GRIN3B: variants seen among roughly 807,000 people sequenced by gnomAD.
GRIN3B encodes glutamate receptor ionotropic, NMDA 3B.
A neutral mutation model predicts 66.0 loss-of-function variants in GRIN3B; 77 were observed. The observed-to-expected ratio is 1.17, with a 90% CI of 0.97 to 1.41. The LOEUF is 1.41. Among genes scored for constraint, GRIN3B ranks in the 40% most tolerant of loss-of-function variants. The probability of loss-of-function intolerance (pLI) is 0.00; values close to 1 mark genes in which losing one functional copy is unlikely to be tolerated. For synonymous variants in GRIN3B, 823 were observed against 749.7 expected, an observed-to-expected ratio of 1.10 and a Z score of -1.60; for missense variants, 1,787 against 1,564.5, an observed-to-expected ratio of 1.14 and a Z score of -2.40.
At chr19:1,002,326 T>C (rs2145530376) in intron 1 of GRIN3B, among the ~76,000 whole-genome samples, 1 of 131,972 alleles carries the variant, frequency 7.6e-6, no homozygotes, top group East Asian at 2.3e-4. Flanking sequence ...GAGACCATCC[T>C]GGCTAACATG....
At position 1,005,016 on chromosome 19, in the gene GRIN3B, C is replaced by T. The variant is rs374239408; in HGVS notation, c.1515C>T (p.Tyr505=). 22 of 1,611,838 alleles carry T rather than the reference C, an allele frequency of 1.4e-5. No homozygotes were observed. Among genetic ancestry groups the T allele is most frequent in the African/African-American group, 4.0e-5 (3 of 74,884 alleles). ...TGTACCTCGTGGGTGACGGCAAGTA[C>T]GGCGCCCTGCGGGACGGCCGCTGGA... ...FELYLVGDGK[Y]GALRDGRWTG... The change falls in exon 3 of 9, where the codon TAC becomes TAT. Residue 505 remains tyrosine, a synonymous_variant. Transcript: ENST00000234389. The surrounding 1 kb of genome is among the most constrained non-coding windows in gnomAD (Gnocchi z 5.2).
In GRIN3B at chr19:1,008,922, G is replaced by A. The variant is rs921761602; in HGVS notation, c.2697G>A (p.Glu899=). 4 of 1,607,346 alleles carry A rather than the reference G, an allele frequency of 2.5e-6. No homozygotes were observed. The South Asian group carries it at 4.4e-5, about 18-fold the overall frequency. Residue 899 remains glutamate (E), a synonymous_variant, in exon 8 of 9, where the codon GAG becomes GAA. Coordinates refer to ENST00000234389, the MANE Select transcript of GRIN3B (RefSeq NM_138690.3). ...CGAAGGAGGAGACGGCAGAGGCGGA[G>A]CCCAGGTAAGTGGTGGTCGGGGCGG... The part of the protein sequence containing the change: ...EGSKEETAEA[E]PSGPEVEQQQ...
At position 1,003,184 on chromosome 19, in the gene GRIN3B, G is replaced by T; in HGVS notation, c.481G>T (p.Val161Leu). 1 of 1,513,822 alleles carries T rather than the reference G, an allele frequency of 6.6e-7. No individual in the cohort carries two copies. The highest frequency in any genetic ancestry group is 8.8e-7 in the Non-Finnish European group (1 of 1,133,562). 93.8% of individuals were successfully genotyped at this position (1,513,822 alleles called of 1,614,324 possible). A position where few individuals can be genotyped will look rare whatever the true frequency, so the allele number is the denominator to read the frequency against. The change falls in exon 2 of 9, where the codon GTG becomes TTG. Residue 161 changes from valine to leucine, a missense_variant. By Grantham distance (32) the Val-to-Leu change is conservative (BLOSUM62 1). Transcript: ENST00000234389. ...WASPLETLLDVLVAVLQAHAW... is the reference protein window; with the variant it reads ...WASPLETLLDLLVAVLQAHAW... ...CAGCCCCCTGGAGACGCTGCTGGATGTGCTGGTGGCGGTGCTGCAGGCGCA... is the reference window on the plus strand; with the variant it reads ...CAGCCCCCTGGAGACGCTGCTGGATTTGCTGGTGGCGGTGCTGCAGGCGCA...
In GRIN3B at chr19:1,008,109, C is replaced by A. The variant is rs766709186; in HGVS notation, c.2315-31C>A. ...CAGAGTTCCCCTGGGGCTGTCCCAC[C>A]TGGCCCCACCGCCTGGCCCCGCGCC... On this transcript the variant is annotated intron_variant, in intron 5 of 8. Coordinates refer to ENST00000234389, the MANE Select transcript of GRIN3B (RefSeq NM_138690.3). 4.4e-6 allele frequency: 7 copies of A among 1,573,802 alleles called. No individual in the cohort carries two copies. In the Admixed American group the frequency reaches 1.3e-4, roughly 30 times the overall value.
intron 3 of GRIN3B, among the ~76,000 whole-genome samples, chr19:1,006,428 GCCA>G (rs111898576): frequency 0.063 from 9,658 of 152,098 alleles, 363 homozygotes; most frequent in South Asian, 0.11. Context: ...ACAGGTGTGA[GCCA>G]CCACATCTGG....
intron 8 of GRIN3B, 64 bp from the exon 9 acceptor site, chr19:1,009,109 G>A: frequency 1.4e-6 from 2 of 1,446,982 alleles, no homozygotes; most frequent in South Asian, 1.4e-5. Context: ...AGCGGCCTCT[G>A]CAGAGGCCCA....
rs1457075815 is a variant in GRIN3B at position 1,007,877 on chromosome 19, C to T, written c.2220C>T (p.Asn740=). Residue 740 remains asparagine (N), a synonymous_variant, in exon 5 of 9, where the codon AAC becomes AAT. Transcript: ENST00000234389. The surrounding 1 kb of genome is among the most constrained non-coding windows in gnomAD (Gnocchi z 4.4). ...AMLTSDPPKL[N]AFIMDKSLLD... is the part of the protein sequence containing the mutation. ...GCAGGAGCGACCCCCCCAAGCTCAA[C>T]GCCTTCATCATGGACAAGTCGCTCC... 9 of 1,611,030 alleles carry T rather than the reference C, an allele frequency of 5.6e-6. No homozygotes were observed. Among genetic ancestry groups the T allele is most frequent in the Admixed American group, 1.7e-5 (1 of 59,944 alleles).
In GRIN3B at chr19:1,008,745, A is replaced by AG; in HGVS notation, c.2598dup (p.Ser867GlufsTer129). ...CGCCTGGCGCTGCCGCGCATCCGCA[A>AG]GGGGAGCAGGCTGCAGTACTGGCTG... On this transcript the variant is annotated frameshift_variant, in exon 7 of 9. Coordinates refer to ENST00000234389, the MANE Select transcript of GRIN3B (RefSeq NM_138690.3). LOFTEE classifies it high-confidence loss of function. 6.2e-7 allele frequency: 1 copy of AG among 1,607,312 alleles called. No homozygotes were observed.
chr19:1,002,363 CA>C (rs71335327), intron 1 of GRIN3B, among the ~76,000 whole-genome samples: 2,427 of 74,686 alleles, frequency 0.032, 23 homozygotes, highest in Middle Eastern at 0.098. Flanking sequence ...ACTAAAAATA[CA>C]AAAAAAAAAA....
chr19:1,003,800 C>A, intron 2 of GRIN3B, 78 bp downstream of exon 2: 4 of 1,157,028 alleles, frequency 3.5e-6, no homozygotes, highest in Non-Finnish European at 4.6e-6. Context: ...CAAAAGGCAA[C>A]GTGAGGCCAG....
Position 1,003,692 on chromosome 19 carries a change from G to C in GRIN3B, c.989G>C (p.Gly330Ala), listed in dbSNP as rs2145533351. The change falls in exon 2 of 9, where the codon GGG becomes GCG. Residue 330 changes from glycine to alanine, a missense_variant. Physicochemically the swap from Gly to Ala is moderately conservative, Grantham distance 60 (BLOSUM62 0). Transcript: ENST00000234389. ...PVNCGDLQPA[G>A]PESPGRFLAR... ...AACTGCGGGGACCTGCAGCCGGCCG[G>C]GCCCGAGTCCCCGGGGCGCTTCTTG... is the stretch of plus-strand genomic sequence containing the variant. 3 of 1,406,744 alleles carry C rather than the reference G, an allele frequency of 2.1e-6. No individual in the cohort carries two copies. The highest frequency in any genetic ancestry group is 2.9e-5 in the East Asian group (1 of 34,760). The allele number at this position is 1,406,744 out of a possible 1,614,324, so 87.1% of individuals were successfully genotyped here. A position where few individuals can be genotyped will look rare whatever the true frequency, so the allele number is the denominator to read the frequency against.
intron 1 of GRIN3B, among the ~76,000 whole-genome samples, chr19:1,002,363 CAAAAAAAAAA>C (rs71335327): frequency 1.9e-4 from 14 of 74,692 alleles, no homozygotes; most frequent in Non-Finnish European, 3.4e-4. Flanking sequence ...ACTAAAAATA[CAAAAAAAAAA>C]AAAAAAAAAA....
chr19:1,009,167 C>A lies in GRIN3B; in HGVS notation c.2703-6C>A. 6.8e-7 allele frequency: 1 copy of A among 1,462,116 alleles called. No homozygotes were observed. The highest frequency in any genetic ancestry group is 8.9e-7 in the Non-Finnish European group (1 of 1,117,976). The allele number at this position is 1,462,116 out of a possible 1,614,324, so 90.6% of individuals were successfully genotyped here. On this transcript the variant is annotated splice_region_variant and splice_polypyrimidine_tract_variant and intron_variant, in intron 8 of 8. Transcript: ENST00000234389. ...CGGACACTGACCAGGCCGGTTCCGT[C>A]CCCAGCGGCCCCGAGGTGGAGCAGC...
Position 1,000,708 on chromosome 19 carries a change from C to T in GRIN3B, c.271C>T (p.Leu91=). The part of the protein sequence containing the change: ...ARDPASLTRG[L]CQALVPPGVA... ...CGACCCCGCCTCGCTGACCCGCGGC[C>T]TGTGCCAGGCGCTGGTGCCTCCGGG... Residue 91 remains leucine, a synonymous_variant, in exon 1 of 9, where the codon CTG becomes TTG. Transcript: ENST00000234389. 1 of 1,406,496 alleles carries T rather than the reference C, an allele frequency of 7.1e-7. No homozygotes were observed. Among genetic ancestry groups the T allele is most frequent in the Non-Finnish European group, 9.3e-7 (1 of 1,080,370 alleles). 87.1% of individuals were successfully genotyped at this position (1,406,496 alleles called of 1,614,324 possible).
Position 1,004,553 on chromosome 19 carries a change from C to A in GRIN3B, c.1052C>A (p.Thr351Lys), listed in dbSNP as rs1389754514. 1.9e-6 allele frequency: 3 copies of A among 1,608,352 alleles called. No homozygotes were observed. The highest frequency in any genetic ancestry group is 1.7e-6 in the Non-Finnish European group (2 of 1,178,184). ...GCCAACACGTCCTTCCAGGGCCGCACGGGCCCCGTGTGGGTGACAGGCAGC... is the reference window on the plus strand; with the variant it reads ...GCCAACACGTCCTTCCAGGGCCGCAAGGGCCCCGTGTGGGTGACAGGCAGC... The part of the protein sequence containing the change: ...FLANTSFQGR[T>K]GPVWVTGSSQ... The change falls in exon 3 of 9, where the codon ACG becomes AAG. Residue 351 changes from threonine (T) to lysine (K), a missense_variant. Transcript: ENST00000234389.
At position 1,004,715 on chromosome 19, in the gene GRIN3B, C is replaced by T. The variant is rs772270429; in HGVS notation, c.1214C>T (p.Pro405Leu). The T allele has an allele frequency of 3.1e-6, 5 of 1,605,502 alleles. No homozygotes were observed. Among genetic ancestry groups the T allele is most frequent in the Non-Finnish European group, 4.3e-6 (5 of 1,175,140 alleles). Residue 405 changes from proline to leucine, a missense_variant, in exon 3 of 9, where the codon CCC becomes CTC. Coordinates refer to ENST00000234389, the MANE Select transcript of GRIN3B (RefSeq NM_138690.3). ...GAACCGGGAGGTGCCTCTGCACGGC[C>T]CCCGCCCCCACAGGGTGCCCAGGTC... ...DLEPGGASARPPPPQGAQVWP... is the reference protein window; with the variant it reads ...DLEPGGASARLPPPQGAQVWP...
intron 5 of GRIN3B, 84 bp from the exon 6 acceptor site, chr19:1,008,056 G>A (rs1452503978): frequency 6.4e-7 from 1 of 1,574,448 alleles, no homozygotes; most frequent in East Asian, 2.3e-5. Flanking sequence ...GTTCGAGGTG[G>A]GAAGGGGCGA....
intron 1 of GRIN3B, among the ~76,000 whole-genome samples, chr19:1,001,526 T>C (rs1030557649): frequency 6.6e-6 from 1 of 151,368 alleles, no homozygotes; most frequent in Non-Finnish European, 1.5e-5. Context: ...GGCGATTGAC[T>C]GGGTTCTGGG....
At position 1,000,842 on chromosome 19, in the gene GRIN3B, G is replaced by A. The variant is rs1298139566; in HGVS notation, c.405G>A (p.Ala135=). The change falls in exon 1 of 9, where the codon GCG becomes GCA. Residue 135 remains alanine (A), a synonymous_variant. Transcript: ENST00000234389. Reference sequence around the variant, plus strand: ...TGCTCAGCCTGCTGCGGCGGGAGGCGCGCGCGCCCCTCGGAGCCCCGGTAC... The same window carrying A: ...TGCTCAGCCTGCTGCGGCGGGAGGCACGCGCGCCCCTCGGAGCCCCGGTAC... ...TPVLSLLRRE[A]RAPLGAPNPF... 1.4e-6 allele frequency: 2 copies of A among 1,429,148 alleles called. No homozygotes were observed. The highest frequency in any genetic ancestry group is 2.9e-5 in the Admixed American group (1 of 34,428). The allele number at this position is 1,429,148 out of a possible 1,614,324, so 88.5% of individuals were successfully genotyped here.
Sources: allele counts gnomAD v4.1 joint callset (sites outside exome capture counted in the v4.1 genomes callset), GRCh38; gene constraint gnomAD v4.1.1; non-coding constraint Gnocchi (gnomAD v3.1); transcripts MANE v1.5; gene names NCBI Gene and HGNC (gene_info 2026-07-23, HGNC 2026-07-21).